PROSER2: variants seen among roughly 807,000 people sequenced by gnomAD.
The protein encoded by PROSER2 is proline and serine rich 2, also known as proline and serine-rich protein 2.
PROSER2 carries 18 observed loss-of-function variants against 14.6 expected under a neutral mutation model. That is an observed-to-expected ratio of 1.23 (90% CI 0.85 to 1.83). The LOEUF (loss-of-function observed/expected upper bound fraction) is 1.83. PROSER2 is among the 40% of genes most tolerant of loss of function. The pLI, the probability that PROSER2 is intolerant of heterozygous loss-of-function variation, is 0.00. For missense variants in PROSER2, 823 were observed against 629.8 expected, an observed-to-expected ratio of 1.31 and a Z score of -3.28; for synonymous variants, 367 against 286.4, an observed-to-expected ratio of 1.28 and a Z score of -2.84.
At chr10:11,863,879 G>A (rs1033607733) in intron 2 of PROSER2, among the ~76,000 whole-genome samples, 1 of 152,246 alleles carries the variant, frequency 6.6e-6, no homozygotes, top group Admixed American at 6.5e-5. Context: ...CATGGTTTCG[G>A]TTTTGCTTGC....
chr10:11,871,096 G>GTGTT lies in PROSER2; in HGVS notation c.*694_*697dup, dbSNP rs1206652324. The GTGTT allele has an allele frequency of 6.6e-6, 1 of 152,238 alleles. No individual in the cohort carries two copies. Among genetic ancestry groups the GTGTT allele is most frequent in the African/African-American group, 2.4e-5 (1 of 41,446 alleles). 9.4% of individuals were successfully genotyped at this position (152,238 alleles called of 1,614,324 possible). On this transcript the variant is annotated 3_prime_UTR_variant, in exon 4 of 4. Coordinates refer to ENST00000277570, the MANE Select transcript of PROSER2 (RefSeq NM_153256.4). ...AGGTCTGGGACGTGTGCGTGAGCCT[G>GTGTT]TGTTTGTGTGTGTATGTTTTTAGAT...
chr10:11,870,307 GC>G lies in PROSER2; in HGVS notation c.1213del (p.Gln405ArgfsTer46). The G allele has an allele frequency of 6.7e-7, 1 of 1,494,672 alleles. No individual in the cohort carries two copies. The highest frequency in any genetic ancestry group is 8.9e-7 in the Non-Finnish European group (1 of 1,127,904). 92.6% of individuals were successfully genotyped at this position (1,494,672 alleles called of 1,614,324 possible). ...DWRRADSLPRPQGITVQFAGR... is the reference protein window; with the variant it reads ...DWRRADSLPRXQGITVQFAGR... The stretch of plus-strand genomic sequence containing the variant: ...GGCGCCGCGCAGACTCCCTGCCCCG[GC>G]CCCAGGGCATCACCGTGCAGTTCGC... On this transcript the variant is annotated frameshift_variant, in exon 4 of 4. Coordinates refer to ENST00000277570, the MANE Select transcript of PROSER2 (RefSeq NM_153256.4). LOFTEE classifies it high-confidence loss of function.
intron 2 of PROSER2, among the ~76,000 whole-genome samples, chr10:11,863,623 A>C (rs1183847311): frequency 6.6e-6 from 1 of 152,170 alleles, no homozygotes; most frequent in Admixed American, 6.5e-5. Context: ...GGTTTATAAA[A>C]GCATCAGTCC....
At chr10:11,857,425 T>C (rs1251189258) in intron 2 of PROSER2, 2 of 152,118 alleles carry the variant, frequency 1.3e-5, no homozygotes, top group East Asian at 1.9e-4. Flanking sequence ...TCTTGAAACA[T>C]GACAGTAGTA....
chr10:11,852,684 A>ATTTTTTTTTTTTT (rs33939695), intron 2 of PROSER2, among the ~76,000 whole-genome samples: 3 of 98,024 alleles, frequency 3.1e-5, no homozygotes, highest in African/African-American at 4.1e-5. Flanking sequence ...ACACCCGGCT[A>ATTTTTTTTTTTTT]TTTTTTTTTT....
Position 11,836,808 on chromosome 10 carries a change from T to C in PROSER2, c.-82+13338T>C, listed in dbSNP as rs778235317. Among the ~76,000 whole-genome samples, 2 of 152,196 alleles carry C rather than the reference T, an allele frequency of 1.3e-5. No homozygotes were observed. Among genetic ancestry groups the C allele is most frequent in the African/African-American group, 2.4e-5 (1 of 41,456 alleles). On this transcript the variant is annotated intron_variant, in intron 1 of 3. Transcript: ENST00000277570. This position sits in a 1 kb window ranked among gnomAD's most constrained non-coding sequence, Gnocchi z 4.6. ...CAAGGTAGGAGAGTCTATAAACCTA[T>C]ACCGAAGTCCTCTCTTATACACGGT...
intron 1 of PROSER2, among the ~76,000 whole-genome samples, chr10:11,845,203 T>G (rs539952781): frequency 6.6e-6 from 1 of 152,220 alleles, no homozygotes; most frequent in Admixed American, 6.5e-5. Context: ...AATTGCTAGG[T>G]GCGTGGGAAT....
rs74657303 is a variant in PROSER2 at position 11,870,229 on chromosome 10, G to A, written c.1131G>A (p.Thr377=). 0.14 allele frequency: 202,534 copies of A among 1,488,970 alleles called. 15,133 individuals are homozygous for A. Among genetic ancestry groups the A allele is most frequent in the Non-Finnish European group, 0.15 (170,747 of 1,126,970 alleles). The allele number at this position is 1,488,970 out of a possible 1,614,324, so 92.2% of individuals were successfully genotyped here. A position where few individuals can be genotyped will look rare whatever the true frequency, so the allele number is the denominator to read the frequency against. ...CFRPGPALPS[T]RARQSFPGPR... ...GCCCTGGCCCGGCCCTGCCCAGCAC[G>A]CGGGCCCGTCAGAGCTTCCCCGGGC... The change falls in exon 4 of 4, where the codon ACG becomes ACA. Residue 377 remains threonine, a synonymous_variant. Coordinates refer to ENST00000277570, the MANE Select transcript of PROSER2 (RefSeq NM_153256.4).
At chr10:11,839,343 AGCTATAAAC>A (rs1833804579) in intron 1 of PROSER2, among the ~76,000 whole-genome samples, 1 of 152,218 alleles carries the variant, frequency 6.6e-6, no homozygotes, top group African/African-American at 2.4e-5. Context: ...CAAAAACACA[AGCTATAAAC>A]AAAAAGATTG....
intron 2 of PROSER2, among the ~76,000 whole-genome samples, chr10:11,860,885 C>T (rs554952485): frequency 6.6e-6 from 1 of 152,096 alleles, no homozygotes; most frequent in East Asian, 1.9e-4. Context: ...GTGGGTGAAT[C>T]ACTTGAGGTC....
chr10:11,837,404 G>A lies in PROSER2; in HGVS notation c.-82+13934G>A, dbSNP rs1216977598. 6.6e-6 allele frequency among the ~76,000 whole-genome samples: 1 copy of A among 152,196 alleles called. No homozygotes were observed. Among genetic ancestry groups the A allele is most frequent in the African/African-American group, 2.4e-5 (1 of 41,442 alleles). ...GGTAGAAGACATGAACACGAGCTCCGATTGCTGGCAGACGGGTTGGGATTG... is the reference window on the plus strand; with the variant it reads ...GGTAGAAGACATGAACACGAGCTCCAATTGCTGGCAGACGGGTTGGGATTG... On this transcript the variant is annotated intron_variant, in intron 1 of 3. Transcript: ENST00000277570. The surrounding 1 kb of genome is among the most constrained non-coding windows in gnomAD (Gnocchi z 4.6).
At chr10:11,824,181 A>C (rs1348590633) in intron 1 of PROSER2, among the ~76,000 whole-genome samples, 1 of 152,062 alleles carries the variant, frequency 6.6e-6, no homozygotes, top group Non-Finnish European at 1.5e-5. Flanking sequence ...AAAACTTTTA[A>C]CTCTACCAGA....
In PROSER2 at chr10:11,823,744, G is replaced by C. The variant is rs1432029692; in HGVS notation, c.-82+274G>C. On this transcript the variant is annotated intron_variant, in intron 1 of 3. Transcript: ENST00000277570. This position sits in a 1 kb window ranked among gnomAD's most constrained non-coding sequence, Gnocchi z 6.2. ...GGGGAGCGCGCTGGGTTCCGAGTCT[G>C]GGGCTATCCTGGGGGCTCAGGGGTG... Among the ~76,000 whole-genome samples the C allele has an allele frequency of 6.6e-6, 1 of 152,144 alleles. No individual in the cohort carries two copies. The highest frequency in any genetic ancestry group is 2.4e-5 in the African/African-American group (1 of 41,442).
At position 11,838,335 on chromosome 10, in the gene PROSER2, A is replaced by C. The variant is rs756447008; in HGVS notation, c.-81-13662A>C. Among the ~76,000 whole-genome samples, 1 of 152,254 alleles carries C rather than the reference A, an allele frequency of 6.6e-6. No homozygotes were observed. Among genetic ancestry groups the C allele is most frequent in the Non-Finnish European group, 1.5e-5 (1 of 68,050 alleles). On this transcript the variant is annotated intron_variant, in intron 1 of 3. Coordinates refer to ENST00000277570, the MANE Select transcript of PROSER2 (RefSeq NM_153256.4). The surrounding 1 kb of genome is among the most constrained non-coding windows in gnomAD (Gnocchi z 4.4). ...CATTGAGTGCTTTGAAGGTCTGTGC[A>C]TGGCCTCATCCAGCTGATCTAACTG...
At position 11,823,902 on chromosome 10, in the gene PROSER2, C is replaced by T. The variant is rs1263973427; in HGVS notation, c.-82+432C>T. Among the ~76,000 whole-genome samples, 2 of 152,190 alleles carry T rather than the reference C, an allele frequency of 1.3e-5. No homozygotes were observed. The highest frequency in any genetic ancestry group is 1.5e-5 in the Non-Finnish European group (1 of 67,962). Reference sequence around the variant, plus strand: ...GGGAGAGGGTGCGGGTCCGACACGGCGGGCGGAGCCACCTGTTCCACCCGG... The same window carrying T: ...GGGAGAGGGTGCGGGTCCGACACGGTGGGCGGAGCCACCTGTTCCACCCGG... On this transcript the variant is annotated intron_variant, in intron 1 of 3. Transcript: ENST00000277570. This position sits in a 1 kb window ranked among gnomAD's most constrained non-coding sequence, Gnocchi z 6.2.
chr10:11,865,810 A>C lies in PROSER2; in HGVS notation c.139-721A>C, dbSNP rs1412118224. On this transcript the variant is annotated intron_variant, in intron 2 of 3. Transcript: ENST00000277570. This position sits in a 1 kb window ranked among gnomAD's most constrained non-coding sequence, Gnocchi z 4.2. Reference sequence around the variant, plus strand: ...AGTAACTGGCGAGTTTTGTGCCGGGATGAGCTCATTGCTTCTGAAAGAGAC... The same window carrying C: ...AGTAACTGGCGAGTTTTGTGCCGGGCTGAGCTCATTGCTTCTGAAAGAGAC... Among the ~76,000 whole-genome samples the C allele has an allele frequency of 6.6e-6, 1 of 152,098 alleles. No individual in the cohort carries two copies. Among genetic ancestry groups the C allele is most frequent in the African/African-American group, 2.4e-5 (1 of 41,412 alleles).
chr10:11,870,567 T>C lies in PROSER2; in HGVS notation c.*161T>C. ...CTAGAGGTGCCTGGCTGGGGCCTCCTGGCTGAGCACGCACCGCAAGCTCCA... is the reference window on the plus strand; with the variant it reads ...CTAGAGGTGCCTGGCTGGGGCCTCCCGGCTGAGCACGCACCGCAAGCTCCA... On this transcript the variant is annotated 3_prime_UTR_variant, in exon 4 of 4. Coordinates refer to ENST00000277570, the MANE Select transcript of PROSER2 (RefSeq NM_153256.4). The C allele has an allele frequency of 3.5e-6, 2 of 569,164 alleles. No individual in the cohort carries two copies. Among genetic ancestry groups the C allele is most frequent in the Non-Finnish European group, 5.9e-6 (2 of 341,732 alleles). The allele number at this position is 569,164 out of a possible 1,614,324, so 35.3% of individuals were successfully genotyped here. A position where few individuals can be genotyped will look rare whatever the true frequency, so the allele number is the denominator to read the frequency against.
In PROSER2 at chr10:11,870,391, CAG is replaced by C. The variant is rs750874391; in HGVS notation, c.1294_1295del (p.Arg432GlyfsTer60). ...AGGCCCTGCGGAAGCTGGGGCTGCTCAGGGAGAGTTCGTGAGGGCCGCGCGGG... is the reference window on the plus strand; with the variant it reads ...AGGCCCTGCGGAAGCTGGGGCTGCTCGGAGAGTTCGTGAGGGCCGCGCGGG... ...REALRKLGLL[R>X]ESS On this transcript the variant is annotated frameshift_variant, in exon 4 of 4. Coordinates refer to ENST00000277570, the MANE Select transcript of PROSER2 (RefSeq NM_153256.4). LOFTEE classifies it high-confidence loss of function. The C allele has an allele frequency of 6.7e-7, 1 of 1,503,122 alleles. No individual in the cohort carries two copies. The allele number at this position is 1,503,122 out of a possible 1,614,324, so 93.1% of individuals were successfully genotyped here.
rs370744001 is a variant in PROSER2 at position 11,841,373 on chromosome 10, T to C, written c.-81-10624T>C. On this transcript the variant is annotated intron_variant, in intron 1 of 3. Coordinates refer to ENST00000277570, the MANE Select transcript of PROSER2 (RefSeq NM_153256.4). ...TGAAAGTTTGTCAATTTTATTAATA[T>C]TTTCAAAAACCAATTTTTTGTTTTA... 2.6e-4 allele frequency among the ~76,000 whole-genome samples: 40 copies of C among 152,274 alleles called. No individual in the cohort carries two copies. The East Asian group carries it at 3.7e-3, about 14-fold the overall frequency.
Sources: allele counts gnomAD v4.1 joint callset (sites outside exome capture counted in the v4.1 genomes callset), GRCh38; gene constraint gnomAD v4.1.1; non-coding constraint Gnocchi (gnomAD v3.1); transcripts MANE v1.5; gene names NCBI Gene and HGNC (gene_info 2026-07-23, HGNC 2026-07-21).